RAP1B: variants seen among roughly 807,000 people sequenced by gnomAD.
RAP1B encodes ras-related protein Rap-1b.
Under a neutral mutation model 27.5 loss-of-function variants are expected in RAP1B, and 1 was observed. The observed-to-expected ratio is 0.04, with a 90% CI of 0.01 to 0.17. The LOEUF is 0.17. RAP1B is among the 10% of genes least tolerant of loss of function. The pLI is 1.00. For synonymous variants in RAP1B, 75 were observed against 73.1 expected, an observed-to-expected ratio of 1.03 and a Z score of -0.13; for missense variants, 84 against 214.8, an observed-to-expected ratio of 0.39 and a Z score of 3.81.
chr12:68,618,158 G>A (rs913523266), intron 1 of RAP1B, among the ~76,000 whole-genome samples: 2 of 121,042 alleles, frequency 1.7e-5, no homozygotes, highest in Non-Finnish European at 3.1e-5. Context: ...CACAATCTTC[G>A]CTCAGTGCAA....
chr12:68,652,127 C>G, intron 4 of RAP1B, 76 bp downstream of exon 4: 1 of 1,117,066 alleles, frequency 9.0e-7, no homozygotes, highest in Non-Finnish European at 1.3e-6. Flanking sequence ...ACTCTATAGA[C>G]AAATATTAGT....
chr12:68,665,483 C>G lies in RAP1B; in HGVS notation c.*6234C>G, dbSNP rs1379592854. 6.6e-6 allele frequency: 1 copy of G among 152,126 alleles called. No homozygotes were observed. Among genetic ancestry groups the G allele is most frequent in the African/African-American group, 2.4e-5 (1 of 41,420 alleles). The allele number at this position is 152,126 out of a possible 1,614,324, so 9.4% of individuals were successfully genotyped here. On this transcript the variant is annotated 3_prime_UTR_variant, in exon 8 of 8. Transcript: ENST00000250559. The stretch of plus-strand genomic sequence containing the variant: ...ATAGTAATAAAAAGGAAAGCCTGGC[C>G]TAAACAGTCTTGGGATGGGGAGAAG...
At chr12:68,616,937 C>A (rs1871071109) in intron 1 of RAP1B, among the ~76,000 whole-genome samples, 1 of 152,068 alleles carries the variant, frequency 6.6e-6, no homozygotes, top group African/African-American at 2.4e-5. Context: ...ATTGCCTCTA[C>A]CTGTTTCCTT....
chr12:68,647,558 C>T (rs1040512491), intron 1 of RAP1B, among the ~76,000 whole-genome samples: 1 of 151,446 alleles, frequency 6.6e-6, no homozygotes, highest in African/African-American at 2.4e-5. Flanking sequence ...GTCAGATACA[C>T]TGCTCTTTTT....
At chr12:68,636,895 C>T (rs1206066119) in intron 1 of RAP1B, among the ~76,000 whole-genome samples, 1 of 151,984 alleles carries the variant, frequency 6.6e-6, no homozygotes, top group Non-Finnish European at 1.5e-5. Context: ...CTCAGGTGAT[C>T]CACCCACCTC....
chr12:68,635,393 C>T lies in RAP1B; in HGVS notation c.-26-13306C>T, dbSNP rs140636965. On this transcript the variant is annotated intron_variant, in intron 1 of 7. Coordinates refer to ENST00000250559, the MANE Select transcript of RAP1B (RefSeq NM_001010942.3). ...GGAGTTGGAGATGGAAAGGAGAAAT[C>T]AAGTATCTTCTCTTCCAGAAAGTGC... 2.6e-3 allele frequency among the ~76,000 whole-genome samples: 396 copies of T among 152,240 alleles called. 3 individuals are homozygous for T. Among genetic ancestry groups the T allele is most frequent in the African/African-American group, 9.1e-3 (376 of 41,534 alleles).
At position 68,638,107 on chromosome 12, in the gene RAP1B, G is replaced by T. The variant is rs1872752230; in HGVS notation, c.-26-10592G>T. Among the ~76,000 whole-genome samples the T allele has an allele frequency of 1.3e-5, 2 of 151,982 alleles. 1 individual carries two copies. On this transcript the variant is annotated intron_variant, in intron 1 of 7. Transcript: ENST00000250559. Reference sequence around the variant, plus strand: ...AGTCTTTAAAGGTAATCTGTTGTTGGCTTTAATGTTTTATAGTACAGTCTG... The same window carrying T: ...AGTCTTTAAAGGTAATCTGTTGTTGTCTTTAATGTTTTATAGTACAGTCTG...
chr12:68,653,300 G>T (rs1472753504), intron 4 of RAP1B, among the ~76,000 whole-genome samples: 1 of 152,196 alleles, frequency 6.6e-6, no homozygotes, highest in East Asian at 1.9e-4. Flanking sequence ...ATGAAGGGAA[G>T]ATTTGTTCTC....
chr12:68,631,173 G>T (rs1302620407), intron 1 of RAP1B, among the ~76,000 whole-genome samples: 3 of 152,132 alleles, frequency 2.0e-5, no homozygotes, highest in African/African-American at 7.2e-5. Context: ...GTTTGCATAT[G>T]ATACCTACCC....
rs1874809125 is a variant in RAP1B, at chr12:68,665,505, G to A, written c.*6256G>A. 6.6e-6 allele frequency: 1 copy of A among 152,222 alleles called. No individual in the cohort carries two copies. The highest frequency in any genetic ancestry group is 2.1e-4 in the South Asian group (1 of 4,828). The allele number at this position is 152,222 out of a possible 1,614,324, so 9.4% of individuals were successfully genotyped here. ...GGCCTAAACAGTCTTGGGATGGGGA[G>A]AAGGGTTGGAGTACAAAGGATTGCT... On this transcript the variant is annotated 3_prime_UTR_variant, in exon 8 of 8. Transcript: ENST00000250559.
chr12:68,654,011 C>A, intron 4 of RAP1B, 101 bp from the exon 5 acceptor site: 1 of 959,976 alleles, frequency 1.0e-6, no homozygotes, highest in Admixed American at 2.4e-5. Flanking sequence ...TTACATAATA[C>A]TACAGTATTC....
At chr12:68,612,257 T>C (rs972483584) in intron 1 of RAP1B, among the ~76,000 whole-genome samples, 8 of 152,378 alleles carry the variant, frequency 5.3e-5, no homozygotes, top group South Asian at 2.1e-4. Context: ...TTCAGCTCTC[T>C]TTTTTCGTAA....
chr12:68,656,954 A>G, intron 6 of RAP1B, 147 bp from the exon 7 acceptor site: 1 of 715,144 alleles, frequency 1.4e-6, no homozygotes, highest in Non-Finnish European at 2.3e-6. Flanking sequence ...TGGCAGTTAT[A>G]ACACCTGATT....
At chr12:68,618,459 A>G (rs1001298321) in intron 1 of RAP1B, among the ~76,000 whole-genome samples, 1 of 152,186 alleles carries the variant, frequency 6.6e-6, no homozygotes, top group Non-Finnish European at 1.5e-5. Context: ...CTAATAAATA[A>G]TTGTGAGTTT....
chr12:68,642,206 T>A (rs1194831503), intron 1 of RAP1B, among the ~76,000 whole-genome samples: 1 of 152,218 alleles, frequency 6.6e-6, no homozygotes, highest in Non-Finnish European at 1.5e-5. Flanking sequence ...TTCTTAACTG[T>A]ACAGATAGTT....
intron 1 of RAP1B, among the ~76,000 whole-genome samples, chr12:68,611,998 C>G (rs1457462117): frequency 1.3e-5 from 2 of 152,202 alleles, no homozygotes; most frequent in East Asian, 3.8e-4. Flanking sequence ...TTTCCCCCCT[C>G]TCCCACTCTC....
intron 1 of RAP1B, among the ~76,000 whole-genome samples, chr12:68,644,842 C>A (rs1232604782): frequency 6.6e-6 from 1 of 151,654 alleles, no homozygotes; most frequent in Non-Finnish European, 1.5e-5. Context: ...GCATGTGCCA[C>A]CACACCCGGC....
At chr12:68,652,155 A>T (rs1873855997) in intron 4 of RAP1B, 104 bp downstream of exon 4, 1 of 907,154 alleles carries the variant, frequency 1.1e-6, no homozygotes, top group Non-Finnish European at 1.7e-6. Flanking sequence ...ATTTAAAAGT[A>T]CTGCTTGCAG....
chr12:68,660,188 T>C lies in RAP1B; in HGVS notation c.*939T>C, dbSNP rs1393247798. On this transcript the variant is annotated 3_prime_UTR_variant, in exon 8 of 8. Transcript: ENST00000250559. ...TGATTGTTTCACATGTGTAACGTTT[T>C]GGTTGAGATGTTAAATGGTGGACGA... 1.7e-5 allele frequency: 2 copies of C among 117,790 alleles called. No homozygotes were observed. The highest frequency in any genetic ancestry group is 3.4e-5 in the Non-Finnish European group (2 of 58,202). The allele number at this position is 117,790 out of a possible 1,614,324, so 7.3% of individuals were successfully genotyped here.
Sources: gnomAD v4.1 joint callset for allele counts (sites outside exome capture counted in the v4.1 genomes callset) on GRCh38, gnomAD v4.1.1 for gene constraint, MANE v1.5 for transcripts, NCBI Gene and HGNC (gene_info 2026-07-23, HGNC 2026-07-21) for gene names.